Variants in PCDHA3 observed in about 807,000 individuals in gnomAD.
PCDHA3 encodes protocadherin alpha-3.
In PCDHA3, 41 loss-of-function variants were observed where a neutral mutation model predicts 62.2. That is an observed-to-expected ratio of 0.66 (90% CI 0.51 to 0.86). The LOEUF is 0.86. Ranked by LOEUF, PCDHA3 falls within the 40% of genes least tolerant of loss-of-function variation. The pLI, the probability that PCDHA3 is intolerant of heterozygous loss-of-function variation, is 0.00. For synonymous variants in PCDHA3, 640 were observed against 555.4 expected (o/e 1.15, Z -2.14); for missense variants, 1,304 against 1,241.2 (o/e 1.05, Z -0.76).
chr5:140,971,035 C>T (rs1251023371), intron 1 of PCDHA3, among the ~76,000 whole-genome samples: 1 of 152,098 alleles, frequency 6.6e-6, no homozygotes, highest in African/African-American at 2.4e-5. Flanking sequence ...TTTGAAAGCA[C>T]GTAAAAGGGT....
intron 1 of PCDHA3, among the ~76,000 whole-genome samples, chr5:140,905,080 C>G (rs2071583789): frequency 6.6e-6 from 1 of 152,128 alleles, no homozygotes; most frequent in Non-Finnish European, 1.5e-5. Flanking sequence ...GTTGCACTTT[C>G]TTTTGGGTTC....
In PCDHA3 at chr5:140,802,692, G is replaced by T. The variant is rs1268823463; in HGVS notation, c.1495G>T (p.Val499Leu). The change falls in exon 1 of 4, where the codon GTG (valine) becomes TTG (leucine). Residue 499 changes from valine (V) to leucine (L), a missense_variant. Coordinates refer to ENST00000522353, the MANE Select transcript of PCDHA3 (RefSeq NM_018906.3). ...GTCCTACTCGCTGGTGGAACGGCGG[G>T]TGGGGGAGCGCGCGCTGTCGAGCTA... ...LVSYSLVERR[V>L]GERALSSYVS... is the part of the protein sequence containing the mutation. 2.5e-6 allele frequency: 4 copies of T among 1,612,888 alleles called. No individual in the cohort carries two copies. Among genetic ancestry groups the T allele is most frequent in the Non-Finnish European group, 2.5e-6 (3 of 1,179,786 alleles).
rs115218749 is a variant in PCDHA3, at chr5:140,850,537, G to A, written c.2394+46946G>A. On this transcript the variant is annotated intron_variant, in intron 1 of 3. Transcript: ENST00000522353. ...GGCCAGGCGCCAAAGTCATCGTCGC[G>A]GGCGTCAGTGGGTGCCACGGGCCCC... 5,564 of 1,598,212 alleles carry A rather than the reference G, an allele frequency of 3.5e-3. 468 individuals are homozygous for A. The African/African-American group carries it at 0.059, about 17-fold the overall frequency.
intron 1 of PCDHA3, among the ~76,000 whole-genome samples, chr5:140,819,152 A>G (rs2150103234): frequency 0.013 from 1,992 of 152,322 alleles, 29 homozygotes; most frequent in Non-Finnish European, 0.023. Flanking sequence ...TAATTTTTAT[A>G]CAGAATTAAT....
chr5:140,851,102 G>T (rs1439831567), intron 1 of PCDHA3: 1 of 1,288,512 alleles, frequency 7.8e-7, no homozygotes, highest in Non-Finnish European at 1.0e-6. Context: ...ATATTTTTTG[G>T]GTGCTGAATC....
intron 1 of PCDHA3, chr5:140,867,087 G>T (rs1320862107): frequency 3.9e-5 from 6 of 151,970 alleles, no homozygotes; most frequent in African/African-American, 1.4e-4. Context: ...CTGTATTGTT[G>T]GAAATTAACA....
At chr5:140,883,760 CG>C (rs1160842473) in intron 1 of PCDHA3, 1 of 1,612,672 alleles carries the variant, frequency 6.2e-7, no homozygotes, top group Non-Finnish European at 8.5e-7. Context: ...GGTGGAGCGG[CG>C]GGTGGGCGAG....
At chr5:140,987,149 G>C (rs1380803903) in intron 3 of PCDHA3, among the ~76,000 whole-genome samples, 2 of 151,884 alleles carry the variant, frequency 1.3e-5, no homozygotes, top group African/African-American at 4.8e-5. Flanking sequence ...GGGAGGTGGA[G>C]GTTGCAGTGA....
At chr5:140,809,313 G>A in intron 1 of PCDHA3, 1 of 1,614,116 alleles carries the variant, frequency 6.2e-7, no homozygotes, top group South Asian at 1.1e-5. Flanking sequence ...GCGGTGTCCA[G>A]CCTTTTGGTG....
At position 141,011,322 on chromosome 5, in the gene PCDHA3, C is replaced by T. The variant is rs1210973958; in HGVS notation, c.*1385C>T. The T allele has an allele frequency of 2.0e-5, 3 of 153,698 alleles. No individual in the cohort carries two copies. The highest frequency in any genetic ancestry group is 7.2e-5 in the African/African-American group (3 of 41,430). The allele number at this position is 153,698 out of a possible 1,614,324, so 9.5% of individuals were successfully genotyped here. On this transcript the variant is annotated 3_prime_UTR_variant, in exon 4 of 4. Coordinates refer to ENST00000522353, the MANE Select transcript of PCDHA3 (RefSeq NM_018906.3). Reference sequence around the variant, plus strand: ...CTCTGAATTGCTAATCTTACTAACACCTATGATGTTACCTGAAATCAATCT... The same window carrying T: ...CTCTGAATTGCTAATCTTACTAACATCTATGATGTTACCTGAAATCAATCT...
intron 1 of PCDHA3, chr5:140,857,549 C>G (rs1554150197): frequency 6.3e-7 from 1 of 1,596,826 alleles, no homozygotes; most frequent in Admixed American, 1.7e-5. Flanking sequence ...GTTGGGCGAG[C>G]GCTCGCTGTC....
chr5:140,962,852 T>G (rs2095713840), intron 1 of PCDHA3, among the ~76,000 whole-genome samples: 2 of 152,216 alleles, frequency 1.3e-5, no homozygotes, highest in Admixed American at 1.3e-4. Context: ...TAACTTGTGC[T>G]CGGTTTGTAG....
chr5:140,877,321 G>A (rs1554169599), intron 1 of PCDHA3: 2 of 1,614,000 alleles, frequency 1.2e-6, no homozygotes, highest in South Asian at 2.2e-5. Context: ...GGCGGCGGTC[G>A]GCGCGCACAT....
intron 1 of PCDHA3, chr5:140,850,085 G>A: frequency 1.3e-6 from 2 of 1,596,624 alleles, no homozygotes; most frequent in Non-Finnish European, 1.7e-6. Flanking sequence ...AGCTGGAGCT[G>A]CTACAGTTCC....
Position 140,802,201 on chromosome 5 carries a change from C to G in PCDHA3, c.1004C>G (p.Thr335Arg), listed in dbSNP as rs1554121944. Residue 335 changes from threonine (T) to arginine (R), a missense_variant, in exon 1 of 4, where the codon ACA becomes AGA. Physicochemically the swap from Thr to Arg is moderately conservative, Grantham distance 71. Transcript: ENST00000522353. ...KGNPPMSDHC[T>R]VLLEIVDIND... ...AATCCCCCAATGTCAGATCACTGCA[C>G]AGTTCTACTCGAAATTGTGGACATC... 4.3e-6 allele frequency: 7 copies of G among 1,614,232 alleles called. No homozygotes were observed. The highest frequency in any genetic ancestry group is 5.9e-6 in the Non-Finnish European group (7 of 1,180,044).
rs1263646925 is a variant in PCDHA3 at position 140,846,355 on chromosome 5, C to T, written c.2394+42764C>T. Among the ~76,000 whole-genome samples, 7 of 133,762 alleles carry T rather than the reference C, an allele frequency of 5.2e-5. 1 individual carries two copies. The highest frequency in any genetic ancestry group is 8.2e-5 in the Non-Finnish European group (5 of 61,048). The allele number at this position is 133,762 out of a possible 152,430, so 87.8% of individuals were successfully genotyped here. A position where few individuals can be genotyped will look rare whatever the true frequency, so the allele number is the denominator to read the frequency against. The stretch of plus-strand genomic sequence containing the variant: ...CCTTTTAAAGTGCTTTCTCTTTTTT[C>T]TTTTCTTTTCTTTCTTTCTTTTTTT... On this transcript the variant is annotated intron_variant, in intron 1 of 3. Transcript: ENST00000522353.
At chr5:140,998,054 A>G (rs562918919) in intron 3 of PCDHA3, among the ~76,000 whole-genome samples, 37 of 152,304 alleles carry the variant, frequency 2.4e-4, no homozygotes, top group African/African-American at 8.9e-4. Flanking sequence ...CAGTGACATC[A>G]TCATCAACAG....
chr5:140,869,522 T>A, intron 1 of PCDHA3: 1 of 1,614,172 alleles, frequency 6.2e-7, no homozygotes, highest in Non-Finnish European at 8.5e-7. Context: ...GAACAAAAGC[T>A]GCTGATTGCG....
intron 1 of PCDHA3, among the ~76,000 whole-genome samples, chr5:140,891,557 A>G (rs549418095): frequency 6.6e-6 from 1 of 151,608 alleles, no homozygotes; most frequent in Non-Finnish European, 1.5e-5. Flanking sequence ...TTATTTTAGT[A>G]CTCTAATTAA....
Sources: gnomAD v4.1 joint callset for allele counts (sites outside exome capture counted in the v4.1 genomes callset) on GRCh38, gnomAD v4.1.1 for gene constraint, MANE v1.5 for transcripts, NCBI Gene and HGNC (gene_info 2026-07-23, HGNC 2026-07-21) for gene names.